CRNKL1: variants seen among roughly 807,000 people sequenced by gnomAD.
The protein encoded by CRNKL1 is crooked neck pre-mRNA splicing factor 1.
Under a neutral mutation model 103.7 loss-of-function variants are expected in CRNKL1, and 35 were observed. The ratio of observed to expected loss-of-function variants is 0.34; its 90% CI spans 0.26 to 0.45. CRNKL1 has a LOEUF of 0.45. Ranked by LOEUF, CRNKL1 falls within the 20% of genes least tolerant of loss-of-function variation. The pLI, the probability that CRNKL1 is intolerant of heterozygous loss-of-function variation, is 1.00. For synonymous variants in CRNKL1, 267 were observed against 282.6 expected, an observed-to-expected ratio of 0.94 and a Z score of 0.55; for missense variants, 645 against 836.0, an observed-to-expected ratio of 0.77 and a Z score of 2.82.
At chr20:20,053,828 T>A (rs928446043), upstream of CRNKL1, among the ~76,000 whole-genome samples, 1 of 152,170 alleles carries the variant, frequency 6.6e-6, no homozygotes, top group Non-Finnish European at 1.5e-5. Context: ...TTCTTTGAAG[T>A]GATTTTCCTT....
chr20:20,034,686 G>GAGA lies in CRNKL1; in HGVS notation c.*1506_*1508dup, dbSNP rs1474107548. ...TCACTCACTAGGCAGACCTCTACTCGAGAAGTGATCTGACACCGCAGTAGC... is the reference window on the plus strand; with the variant it reads ...TCACTCACTAGGCAGACCTCTACTCGAGAAGAAGTGATCTGACACCGCAGTAGC... On this transcript the variant is annotated 3_prime_UTR_variant, in exon 14 of 14. Transcript: ENST00000536226. The GAGA allele has an allele frequency of 1.3e-5, 2 of 152,230 alleles. No homozygotes were observed. Among genetic ancestry groups the GAGA allele is most frequent in the East Asian group, 1.9e-4 (1 of 5,198 alleles). The allele number at this position is 152,230 out of a possible 1,614,324, so 9.4% of individuals were successfully genotyped here.
intron 1 of CRNKL1, 56 bp downstream of exon 1, chr20:20,052,235 GC>G: frequency 6.9e-7 from 1 of 1,457,384 alleles, no homozygotes; most frequent in Non-Finnish European, 9.4e-7. Context: ...CACCCTCAGG[GC>G]TGAGGGATGC....
rs772134478 is a variant in CRNKL1 at position 20,049,412 on chromosome 20, C to T, written c.224G>A (p.Arg75Lys). The change falls in exon 3 of 14, where the codon AGA (arginine) becomes AAA (lysine). Residue 75 changes from arginine to lysine, a missense_variant. Around this residue, in one of 2 missense-constraint regions of CRNKL1, gnomAD observed 63 missense variants for 128.3 expected, o/e 0.49. Coordinates refer to ENST00000536226, the MANE Select transcript of CRNKL1 (RefSeq NM_001278628.2). ...GTTACTAATCACAGTCCTGTTTTTT[C>T]TTATATTATCTTCAAAAGTCTGGAA... ...RKRKTFEDNI[R>K]KNRTVISNWI... 1 of 1,594,488 alleles carries T rather than the reference C, an allele frequency of 6.3e-7. No individual in the cohort carries two copies. The highest frequency in any genetic ancestry group is 1.3e-5 in the African/African-American group (1 of 74,148).
chr20:20,037,238 T>C lies in CRNKL1; in HGVS notation c.1896+85A>G, dbSNP rs1568755740. 2.7e-6 allele frequency: 4 copies of C among 1,480,692 alleles called. No individual in the cohort carries two copies. In the Admixed American group the frequency reaches 8.2e-5, roughly 30 times the overall value. 91.7% of individuals were successfully genotyped at this position (1,480,692 alleles called of 1,614,324 possible). A position where few individuals can be genotyped will look rare whatever the true frequency, so the allele number is the denominator to read the frequency against. On this transcript the variant is annotated intron_variant, in intron 13 of 13. Transcript: ENST00000536226. ...TGCTTCCATTCTAAGATTGTACATA[T>C]GCCACTTAAAAGTCCACATTTCGAC...
chr20:20,040,851 C>G, intron 9 of CRNKL1, 85 bp from the exon 10 acceptor site: 2 of 939,196 alleles, frequency 2.1e-6, no homozygotes, highest in Non-Finnish European at 3.3e-6. Flanking sequence ...TTAACCAAAG[C>G]CATTGGTAAT....
Position 20,035,211 on chromosome 20 carries a change from G to GTACTC in CRNKL1, c.*979_*983dup, listed in dbSNP as rs139689547. ...ATAGCACACTGGGAGATGTTTACTG[G>GTACTC]TACTCTAGGTAGAAATGACTCCATT... On this transcript the variant is annotated 3_prime_UTR_variant, in exon 14 of 14. Coordinates refer to ENST00000536226, the MANE Select transcript of CRNKL1 (RefSeq NM_001278628.2). The GTACTC allele has an allele frequency of 6.6e-6, 1 of 152,278 alleles. No individual in the cohort carries two copies. Among genetic ancestry groups the GTACTC allele is most frequent in the African/African-American group, 2.4e-5 (1 of 41,570 alleles). The allele number at this position is 152,278 out of a possible 1,614,324, so 9.4% of individuals were successfully genotyped here.
Position 20,036,231 on chromosome 20 carries a change from G to C in CRNKL1, c.2028C>G (p.His676Gln). The C allele has an allele frequency of 6.2e-7, 1 of 1,614,154 alleles. No individual in the cohort carries two copies. The highest frequency in any genetic ancestry group is 8.5e-7 in the Non-Finnish European group (1 of 1,180,018). ...TCTCATCGACGTCCTCATCTGGATGGTGCTCAGCATCCTCCTTTTCCTGCT... is the reference window on the plus strand; with the variant it reads ...TCTCATCGACGTCCTCATCTGGATGCTGCTCAGCATCCTCCTTTTCCTGCT... ...KQQQEKEDAE[H>Q]HPDEDVDESE... The change falls in exon 14 of 14, where the codon CAC becomes CAG. Residue 676 changes from histidine to glutamine, a missense_variant. Coordinates refer to ENST00000536226, the MANE Select transcript of CRNKL1 (RefSeq NM_001278628.2).
intron 4 of CRNKL1, 145 bp downstream of exon 4, chr20:20,048,198 A>G: frequency 1.0e-6 from 1 of 995,808 alleles, no homozygotes; most frequent in African/African-American, 1.6e-5. Context: ...ATTATGACTT[A>G]ATAGACTATG....
At chr20:20,047,717 A>T (rs370228934) in intron 5 of CRNKL1, 48 bp downstream of exon 5, 45 of 1,572,072 alleles carry the variant, frequency 2.9e-5, no homozygotes, top group Non-Finnish European at 3.7e-5. Context: ...GAGCAGCAGC[A>T]GCATCCAGGA....
intron 6 of CRNKL1, among the ~76,000 whole-genome samples, chr20:20,044,111 C>T (rs1320917640): frequency 6.6e-6 from 1 of 152,196 alleles, no homozygotes; most frequent in Non-Finnish European, 1.5e-5. Flanking sequence ...TCCACACAGC[C>T]ATTTGCTTCT....
intron 8 of CRNKL1, among the ~76,000 whole-genome samples, chr20:20,041,928 T>A (rs2043520664): frequency 6.6e-6 from 1 of 152,188 alleles, no homozygotes; most frequent in African/African-American, 2.4e-5. Context: ...AGAAGGTTAA[T>A]ACAAATGATT....
At chr20:20,053,946 C>T (rs1329824939), upstream of CRNKL1, among the ~76,000 whole-genome samples, 2 of 151,062 alleles carry the variant, frequency 1.3e-5, no homozygotes, top group Non-Finnish European at 2.9e-5. Flanking sequence ...TTCTGATCAC[C>T]ATCCTTCTCT....
upstream of CRNKL1, among the ~76,000 whole-genome samples, chr20:20,055,710 A>G (rs1199157388): frequency 6.6e-6 from 1 of 152,204 alleles, no homozygotes; most frequent in East Asian, 1.9e-4. Flanking sequence ...AAGATGTCTC[A>G]TTCCAATTTT....
chr20:20,041,702 T>C, intron 8 of CRNKL1, 77 bp from the exon 9 acceptor site: 2 of 1,069,286 alleles, frequency 1.9e-6, no homozygotes, highest in Non-Finnish European at 2.9e-6. Context: ...CTAATTTTAC[T>C]GATATTGGTA....
intron 12 of CRNKL1, among the ~76,000 whole-genome samples, chr20:20,038,140 C>T (rs1209591334): frequency 1.3e-5 from 2 of 150,844 alleles, no homozygotes; most frequent in African/African-American, 2.4e-5. Flanking sequence ...CCAAGCTACT[C>T]ACATGCAGCA....
rs1023814578 is a variant in CRNKL1 at position 20,035,383 on chromosome 20, T to C, written c.*812A>G. On this transcript the variant is annotated 3_prime_UTR_variant, in exon 14 of 14. Transcript: ENST00000536226. ...AAATTTATGTGAACATGGGACATCA[T>C]TTTTCATAGCACACACGTGAACAAG... is the stretch of plus-strand genomic sequence containing the variant. 2.6e-5 allele frequency: 4 copies of C among 152,214 alleles called. No individual in the cohort carries two copies. The highest frequency in any genetic ancestry group is 4.4e-5 in the Non-Finnish European group (3 of 68,030). 9.4% of individuals were successfully genotyped at this position (152,214 alleles called of 1,614,324 possible). A position where few individuals can be genotyped will look rare whatever the true frequency, so the allele number is the denominator to read the frequency against.
chr20:20,038,709 C>G (rs1237752158), intron 11 of CRNKL1: 2 of 326,884 alleles, frequency 6.1e-6, no homozygotes, highest in African/African-American at 4.3e-5. Context: ...AAATGCTTGA[C>G]TTATCAAGAG....
At position 20,037,591 on chromosome 20, in the gene CRNKL1, T is replaced by G; in HGVS notation, c.1648-20A>C. 1 of 1,606,806 alleles carries G rather than the reference T, an allele frequency of 6.2e-7. No homozygotes were observed. The highest frequency in any genetic ancestry group is 8.5e-7 in the Non-Finnish European group (1 of 1,177,406). The stretch of plus-strand genomic sequence containing the variant: ...CCATACCTTTAAAAAAAGTTATTAT[T>G]GAACCAAATTAACCATATCACTCAG... On this transcript the variant is annotated intron_variant, in intron 12 of 13. Coordinates refer to ENST00000536226, the MANE Select transcript of CRNKL1 (RefSeq NM_001278628.2).
rs780489893 is a variant in CRNKL1, at chr20:20,039,762, G to A, written c.1392C>T (p.Cys464=). Residue 464 remains cysteine, a synonymous_variant, in exon 11 of 14, where the codon TGC becomes TGT. Coordinates refer to ENST00000536226, the MANE Select transcript of CRNKL1 (RefSeq NM_001278628.2). ...LELQLREFDR[C]RKLYEKFLEF... ...CCAGGAACTTTTCATAAAGCTTCCG[G>A]CATCTGTCAAATTCTCGAAGCTGTA... 2 of 1,614,166 alleles carry A rather than the reference G, an allele frequency of 1.2e-6. No homozygotes were observed. Among genetic ancestry groups the A allele is most frequent in the Non-Finnish European group, 8.5e-7 (1 of 1,180,022 alleles).
Sources: gnomAD v4.1 joint callset for allele counts (sites outside exome capture counted in the v4.1 genomes callset) on GRCh38, gnomAD v4.1.1 for gene constraint, gnomAD v4.1.1 regional missense constraint, MANE v1.5 for transcripts, NCBI Gene and HGNC (gene_info 2026-07-23, HGNC 2026-07-21) for gene names.